SETD5: variants seen among roughly 807,000 people sequenced by gnomAD.
The protein encoded by SETD5 is SET domain containing 5, also known as histone-lysine N-methyltransferase SETD5.
A neutral mutation model predicts 153.3 loss-of-function variants in SETD5; 44 were observed. That is an observed-to-expected ratio of 0.29 (90% CI 0.23 to 0.37). SETD5 has a LOEUF of 0.37. Among genes scored for constraint, SETD5 ranks in the 10% least tolerant of loss-of-function variants. The pLI is 1.00. For synonymous variants in SETD5, 716 were observed against 645.2 expected (o/e 1.11, Z -1.66); for missense variants, 1,544 against 1,768.0 (o/e 0.87, Z 2.27).
At position 9,453,838 on chromosome 3, in the gene SETD5, A is replaced by G. The variant is rs1322070071; in HGVS notation, c.2446A>G (p.Ser816Gly). ...CCTATACCAAAGCAATGAGAATAGT[A>G]GCTCTTCTAGTATCTGCAAAGACAA... ...QHLYQSNENS[S>G]SSSICKDNAD... is the part of the protein sequence containing the mutation. Residue 816 changes from serine to glycine, a missense_variant, in exon 17 of 23, where the codon AGC (serine) becomes GGC (glycine). Physicochemically the swap from Ser to Gly is moderately conservative, Grantham distance 56. Transcript: ENST00000402198. The G allele has an allele frequency of 6.3e-7, 1 of 1,597,380 alleles. No individual in the cohort carries two copies. The highest frequency in any genetic ancestry group is 8.5e-7 in the Non-Finnish European group (1 of 1,175,156).
chr3:9,410,988 A>C (rs1478577397), intron 1 of SETD5, among the ~76,000 whole-genome samples: 1 of 151,502 alleles, frequency 6.6e-6, no homozygotes, highest in Admixed American at 6.6e-5. Flanking sequence ...TCCCAGGTTG[A>C]AGCAATTCTC....
At position 9,476,718 on chromosome 3, in the gene SETD5, G is replaced by A. The variant is rs1399450173; in HGVS notation, c.*627G>A. Reference sequence around the variant, plus strand: ...GCTTGGAACCTGCACCAACTGGAGGGTGCCTGGCTCTTTGAAGAAAAGCTC... The same window carrying A: ...GCTTGGAACCTGCACCAACTGGAGGATGCCTGGCTCTTTGAAGAAAAGCTC... On this transcript the variant is annotated 3_prime_UTR_variant, in exon 23 of 23. Coordinates refer to ENST00000402198, the MANE Select transcript of SETD5 (RefSeq NM_001080517.3). The A allele has an allele frequency of 6.6e-6, 1 of 152,540 alleles. No individual in the cohort carries two copies. Among genetic ancestry groups the A allele is most frequent in the East Asian group, 1.9e-4 (1 of 5,196 alleles). The allele number at this position is 152,540 out of a possible 1,614,324, so 9.4% of individuals were successfully genotyped here. A position where few individuals can be genotyped will look rare whatever the true frequency, so the allele number is the denominator to read the frequency against.
intron 2 of SETD5, among the ~76,000 whole-genome samples, chr3:9,426,882 A>C (rs1488034680): frequency 6.6e-6 from 1 of 152,028 alleles, no homozygotes; most frequent in African/African-American, 2.4e-5. Flanking sequence ...AATTGGGTGT[A>C]GGAACAGGCG....
chr3:9,469,397 T>C (rs997425150), intron 18 of SETD5, among the ~76,000 whole-genome samples: 4 of 152,148 alleles, frequency 2.6e-5, no homozygotes, highest in African/African-American at 4.8e-5. Context: ...AAAGTTAGAG[T>C]CTCTCAGAAA....
chr3:9,441,866 C>A, intron 9 of SETD5, 125 bp downstream of exon 9: 1 of 1,153,082 alleles, frequency 8.7e-7, no homozygotes, highest in Non-Finnish European at 1.3e-6. Flanking sequence ...GATAAGCTCA[C>A]ACCTGTCTGC....
chr3:9,454,888 A>G (rs1188659330), intron 17 of SETD5, among the ~76,000 whole-genome samples: 1 of 152,062 alleles, frequency 6.6e-6, no homozygotes, highest in Non-Finnish European at 1.5e-5. Context: ...AGTTTTTTAA[A>G]TATTAGACAA....
rs746999028 is a variant in SETD5, at chr3:9,406,607, C to CAAAAAAAAAAAAAAAA, written c.-177+8644_-177+8645insAAAAAAAAAAAAAAAA. ...TGGGCGACAGAGCGAGACTCTGTCT[C>CAAAAAAAAAAAAAAAA]AAAAAAAAAAAAAAGAATAGATCTG... On this transcript the variant is annotated intron_variant, in intron 1 of 22. Coordinates refer to ENST00000402198, the MANE Select transcript of SETD5 (RefSeq NM_001080517.3). 8.3e-3 allele frequency among the ~76,000 whole-genome samples: 823 copies of CAAAAAAAAAAAAAAAA among 98,614 alleles called. 12 individuals carry two copies. Among genetic ancestry groups the CAAAAAAAAAAAAAAAA allele is most frequent in the Admixed American group, 0.028 (240 of 8,594 alleles). 64.7% of individuals were successfully genotyped at this position (98,614 alleles called of 152,430 possible).
intron 7 of SETD5, chr3:9,436,728 C>G: frequency 2.6e-6 from 2 of 778,634 alleles, no homozygotes; most frequent in Non-Finnish European, 4.0e-6. Context: ...GTATTTTTTA[C>G]CTAGAGAAAG....
chr3:9,424,579 A>T (rs2038873914), intron 2 of SETD5, 53 bp downstream of exon 2: 1 of 152,170 alleles, frequency 6.6e-6, no homozygotes, highest in Admixed American at 6.5e-5. Context: ...TTGCATTTTA[A>T]TGACTGCTGG....
chr3:9,415,394 C>A lies in SETD5; in HGVS notation c.-176-9073C>A, dbSNP rs115705755. Reference sequence around the variant, plus strand: ...TTTTTAATGCTTTAGATGACAGGAACTGTTGAAGGTCCTGGATCTCATAAC... The same window carrying A: ...TTTTTAATGCTTTAGATGACAGGAAATGTTGAAGGTCCTGGATCTCATAAC... On this transcript the variant is annotated intron_variant, in intron 1 of 22. Transcript: ENST00000402198. Among the ~76,000 whole-genome samples the A allele has an allele frequency of 2.7e-3, 408 of 152,164 alleles. 1 individual carries two copies. The highest frequency in any genetic ancestry group is 0.02 in the Middle Eastern group (6 of 294).
chr3:9,440,799 G>A (rs2041184349), intron 8 of SETD5, 101 bp downstream of exon 8: 2 of 1,404,022 alleles, frequency 1.4e-6, no homozygotes, highest in South Asian at 2.9e-5. Context: ...AATGTACAAG[G>A]CCATGGAATA....
chr3:9,440,719 G>A (rs1294419863), intron 8 of SETD5, 21 bp downstream of exon 8: 1 of 1,606,826 alleles, frequency 6.2e-7, no homozygotes. Flanking sequence ...AAGGGTTGAG[G>A]ACTCTCTAAG....
intron 7 of SETD5, 25 bp downstream of exon 7, chr3:9,435,931 A>G (rs763262149): frequency 3.9e-6 from 6 of 1,540,394 alleles, no homozygotes. Context: ...AATATCTTAA[A>G]TAGAAATTGT....
At chr3:9,425,463 T>C (rs1291214572) in intron 2 of SETD5, among the ~76,000 whole-genome samples, 2 of 152,190 alleles carry the variant, frequency 1.3e-5, no homozygotes, top group African/African-American at 4.8e-5. Flanking sequence ...TAAGATGTTA[T>C]CTGAAGTAAC....
At chr3:9,423,969 G>C (rs2038792051) in intron 1 of SETD5, among the ~76,000 whole-genome samples, 1 of 152,104 alleles carries the variant, frequency 6.6e-6, no homozygotes, top group Non-Finnish European at 1.5e-5. Context: ...TTTATAGTAG[G>C]ACAAGAAACT....
At position 9,420,433 on chromosome 3, in the gene SETD5, T is replaced by C. The variant is rs150879358; in HGVS notation, c.-176-4034T>C. ...GTTGTCTTTTAATGGCCTTTTATTC[T>C]AGTAAACTTAGATTTCTTATAGACA... On this transcript the variant is annotated intron_variant, in intron 1 of 22. Transcript: ENST00000402198. Among the ~76,000 whole-genome samples, 756 of 152,284 alleles carry C rather than the reference T, an allele frequency of 5.0e-3. 13 individuals are homozygous for C. The highest frequency in any genetic ancestry group is 0.017 in the African/African-American group (727 of 41,562).
At chr3:9,441,380 G>C (rs1027298470) in intron 8 of SETD5, among the ~76,000 whole-genome samples, 16 of 139,156 alleles carry the variant, frequency 1.1e-4, no homozygotes, top group Non-Finnish European at 1.2e-4. Context: ...ATATTTTCTT[G>C]CCGTTTCTGG....
intron 13 of SETD5, among the ~76,000 whole-genome samples, chr3:9,446,300 A>AC (rs2041997223): frequency 7.3e-6 from 1 of 137,588 alleles, no homozygotes; most frequent in South Asian, 2.5e-4. Flanking sequence ...AAAAAAAAAA[A>AC]AAAAAAAATC....
chr3:9,430,686 A>G (rs1255062498), intron 3 of SETD5: 4 of 352,592 alleles, frequency 1.1e-5, no homozygotes, highest in African/African-American at 8.9e-5. Flanking sequence ...AAGAGGTTAA[A>G]CCAATACGTT....
Sources: gnomAD v4.1 joint callset for allele counts (sites outside exome capture counted in the v4.1 genomes callset) on GRCh38, gnomAD v4.1.1 for gene constraint, MANE v1.5 for transcripts, NCBI Gene and HGNC (gene_info 2026-07-23, HGNC 2026-07-21) for gene names.